The following GRIA2 variants were observed in gnomAD, a reference collection of about 807,000 sequenced individuals.
GRIA2 encodes the protein glutamate ionotropic receptor AMPA type subunit 2.
GRIA2 carries 14 observed loss-of-function variants against 97.3 expected under a neutral mutation model. The observed-to-expected ratio is 0.14, with a 90% CI of 0.10 to 0.23. The LOEUF is 0.23. Among genes scored for constraint, GRIA2 ranks in the 10% least tolerant of loss-of-function variants. The pLI is 1.00. For synonymous variants in GRIA2, 412 were observed against 387.8 expected (o/e 1.06, Z -0.73); for missense variants, 558 against 1,069.8 (o/e 0.52, Z 6.67).
chr4:157,333,897 T>A, intron 8 of GRIA2, 113 bp from the exon 9 acceptor site: 1 of 635,798 alleles, frequency 1.6e-6, no homozygotes, highest in East Asian at 2.6e-5. Context: ...TTAGAACAAG[T>A]CCAGTAAATG....
intron 12 of GRIA2, among the ~76,000 whole-genome samples, chr4:157,343,043 A>G (rs974253701): frequency 1.3e-5 from 2 of 152,092 alleles, no homozygotes; most frequent in Admixed American, 1.3e-4. Context: ...CTAGTAGACA[A>G]GACAAGAAAG....
At chr4:157,333,023 A>G (rs1579371064) in intron 7 of GRIA2, 37 bp downstream of exon 7, 5 of 1,463,326 alleles carry the variant, frequency 3.4e-6, no homozygotes, top group African/African-American at 1.4e-5. Context: ...GTGACTTAAT[A>G]TGGCCATTAA....
At chr4:157,314,627 A>G (rs1255018096) in intron 4 of GRIA2, among the ~76,000 whole-genome samples, 5 of 152,182 alleles carry the variant, frequency 3.3e-5, no homozygotes, top group Non-Finnish European at 7.4e-5. Context: ...TTCATGACTC[A>G]TCATAATAAA....
At chr4:157,259,623 T>C (rs1266332431) in intron 2 of GRIA2, among the ~76,000 whole-genome samples, 1 of 152,058 alleles carries the variant, frequency 6.6e-6, no homozygotes, top group African/African-American at 2.4e-5. Context: ...TATGATTCTG[T>C]TTTCTGTTCT....
At chr4:157,311,295 A>G (rs1214261372) in intron 3 of GRIA2, among the ~76,000 whole-genome samples, 1 of 152,062 alleles carries the variant, frequency 6.6e-6, no homozygotes, top group East Asian at 1.9e-4. Flanking sequence ...AAAACAGTTT[A>G]TGTATTTAAG....
intron 2 of GRIA2, among the ~76,000 whole-genome samples, chr4:157,298,549 G>A (rs1166552981): frequency 6.9e-6 from 1 of 145,172 alleles, no homozygotes. Flanking sequence ...GGAAATATAT[G>A]GTTTTAGAAG....
intron 12 of GRIA2, among the ~76,000 whole-genome samples, chr4:157,347,915 A>G (rs1293432659): frequency 6.6e-6 from 1 of 152,098 alleles, no homozygotes; most frequent in Non-Finnish European, 1.5e-5. Flanking sequence ...CTCGAGGTCA[A>G]GAGATTGAGA....
chr4:157,243,580 G>C (rs954448067), intron 2 of GRIA2, among the ~76,000 whole-genome samples: 2 of 152,064 alleles, frequency 1.3e-5, no homozygotes, highest in Non-Finnish European at 2.9e-5. Flanking sequence ...AGCACTGAAG[G>C]ACATTAAACT....
chr4:157,260,876 C>A (rs1731500227), intron 2 of GRIA2, among the ~76,000 whole-genome samples: 3 of 151,738 alleles, frequency 2.0e-5, no homozygotes, highest in African/African-American at 7.3e-5. Flanking sequence ...TCTCCTCTAC[C>A]TCACCTCATT....
At chr4:157,287,710 T>G (rs1732908023) in intron 2 of GRIA2, among the ~76,000 whole-genome samples, 1 of 151,610 alleles carries the variant, frequency 6.6e-6, no homozygotes, top group Admixed American at 6.6e-5. Context: ...GAGATTTTTT[T>G]TTTTATTTCA....
intron 2 of GRIA2, among the ~76,000 whole-genome samples, chr4:157,270,703 G>T (rs1207526276): frequency 1.3e-5 from 2 of 152,028 alleles, no homozygotes; most frequent in Non-Finnish European, 2.9e-5. Context: ...CACCCTTATG[G>T]TGAAGGATTA....
At chr4:157,341,236 T>C (rs1735534193) in intron 11 of GRIA2, 28 bp from the exon 12 acceptor site, 1 of 1,512,354 alleles carries the variant, frequency 6.6e-7, no homozygotes, top group African/African-American at 1.4e-5. Context: ...CATTTCACTT[T>C]ACAAATCCAT....
At chr4:157,277,894 A>ATATATG (rs1732416148) in intron 2 of GRIA2, among the ~76,000 whole-genome samples, 10 of 144,744 alleles carry the variant, frequency 6.9e-5, no homozygotes, top group South Asian at 2.1e-4. Flanking sequence ...ATATATGTAT[A>ATATATG]TATATATGTA....
At position 157,365,779 on chromosome 4, in the gene GRIA2, T is replaced by A. The variant is rs1736859687; in HGVS notation, c.*2348T>A. On this transcript the variant is annotated 3_prime_UTR_variant, in exon 16 of 16. Coordinates refer to ENST00000264426, the MANE Select transcript of GRIA2 (RefSeq NM_001083619.3). ...TTTATTCATTTTATATAAAAACTGT[T>A]ATGGAAAGACCAAAATGTTTATGAA... The A allele has an allele frequency of 6.6e-6, 1 of 151,934 alleles. No individual in the cohort carries two copies. Among genetic ancestry groups the A allele is most frequent in the African/African-American group, 2.4e-5 (1 of 41,374 alleles). 9.4% of individuals were successfully genotyped at this position (151,934 alleles called of 1,614,324 possible).
chr4:157,256,845 G>A (rs1269610499), intron 2 of GRIA2, among the ~76,000 whole-genome samples: 1 of 151,968 alleles, frequency 6.6e-6, no homozygotes, highest in Admixed American at 6.6e-5. Flanking sequence ...TCTAAGATGT[G>A]TAGAAAGCGA....
intron 2 of GRIA2, among the ~76,000 whole-genome samples, chr4:157,268,161 A>G (rs765689882): frequency 7.9e-5 from 12 of 152,082 alleles, no homozygotes; most frequent in Non-Finnish European, 1.8e-4. Context: ...CTTTAATAGT[A>G]TTTGAGTTAT....
At chr4:157,360,798 C>A in intron 13 of GRIA2, 1 of 601,962 alleles carries the variant, frequency 1.7e-6, no homozygotes, top group Non-Finnish European at 3.1e-6. Flanking sequence ...AGCACTCTTT[C>A]CTTTATTTTC....
chr4:157,323,912 G>A (rs1040826182), intron 6 of GRIA2, among the ~76,000 whole-genome samples: 2 of 152,070 alleles, frequency 1.3e-5, no homozygotes, highest in African/African-American at 2.4e-5. Context: ...TTTTCAGAGA[G>A]ATCATTATGC....
chr4:157,247,516 T>A (rs1730784334), intron 2 of GRIA2, among the ~76,000 whole-genome samples: 1 of 152,056 alleles, frequency 6.6e-6, no homozygotes, highest in Non-Finnish European at 1.5e-5. Context: ...GGAAGGTTAT[T>A]TTTGAATGTG....
Sources: allele counts gnomAD v4.1 joint callset (sites outside exome capture counted in the v4.1 genomes callset), GRCh38; gene constraint gnomAD v4.1.1; transcripts MANE v1.5; gene names NCBI Gene and HGNC (gene_info 2026-07-23, HGNC 2026-07-21).